The following SESTD1 variants were observed in gnomAD, a reference collection of about 807,000 sequenced individuals.
SESTD1 encodes SEC14 domain and spectrin repeat-containing protein 1.
Under a neutral mutation model 101.7 loss-of-function variants are expected in SESTD1, and 43 were observed. The ratio of observed to expected loss-of-function variants is 0.42; its 90% CI spans 0.33 to 0.55. SESTD1 has a LOEUF of 0.55. Ranked by LOEUF, SESTD1 falls within the 20% of genes least tolerant of loss-of-function variation. The pLI is 0.07. For missense variants in SESTD1, 647 were observed against 815.1 expected (o/e 0.79, Z 2.51); for synonymous variants, 283 against 286.8 (o/e 0.99, Z 0.13).
intron 1 of SESTD1, among the ~76,000 whole-genome samples, chr2:179,254,794 T>G (rs936115444): frequency 6.6e-6 from 1 of 152,212 alleles, no homozygotes; most frequent in African/African-American, 2.4e-5. Context: ...TTAATACACT[T>G]TATTGTGCTT....
At chr2:179,145,318 A>G in intron 8 of SESTD1, among the ~76,000 whole-genome samples, 1 of 152,220 alleles carries the variant, frequency 6.6e-6, no homozygotes, top group East Asian at 1.9e-4. Context: ...GCCTAGGTTC[A>G]AGTCCCAGCT....
intron 10 of SESTD1, among the ~76,000 whole-genome samples, chr2:179,126,734 T>A (rs928094808): frequency 6.6e-6 from 1 of 152,092 alleles, no homozygotes; most frequent in Admixed American, 6.6e-5. Context: ...GCCACCTTCA[T>A]CTGGATGACT....
At chr2:179,151,578 A>G (rs2045532190) in intron 5 of SESTD1, among the ~76,000 whole-genome samples, 187 bp from the exon 6 acceptor site, 1 of 152,180 alleles carries the variant, frequency 6.6e-6, no homozygotes, top group South Asian at 2.1e-4. Flanking sequence ...AAAATTCATC[A>G]AAAATTTTTT....
chr2:179,215,408 G>A lies in SESTD1; in HGVS notation c.-25-23542C>T, dbSNP rs1297741579. On this transcript the variant is annotated intron_variant, in intron 1 of 17. Transcript: ENST00000428443. ...AATCTAGAAGAAATGAATAAATTCC[G>A]GGACACATACACCCTCCCAAGATTA... is the stretch of plus-strand genomic sequence containing the variant. Among the ~76,000 whole-genome samples the A allele has an allele frequency of 3.0e-5, 4 of 133,410 alleles. 1 individual carries two copies. The highest frequency in any genetic ancestry group is 8.9e-5 in the African/African-American group (3 of 33,602). 87.5% of individuals were successfully genotyped at this position (133,410 alleles called of 152,430 possible).
intron 3 of SESTD1, among the ~76,000 whole-genome samples, chr2:179,181,318 T>C (rs2046105094): frequency 6.6e-6 from 1 of 152,120 alleles, no homozygotes; most frequent in South Asian, 2.1e-4. Flanking sequence ...GATTCCAGTA[T>C]ACACAAACAT....
At chr2:179,263,532 T>C (rs1468066429) in intron 1 of SESTD1, among the ~76,000 whole-genome samples, 2 of 152,146 alleles carry the variant, frequency 1.3e-5, no homozygotes, top group East Asian at 1.9e-4. Flanking sequence ...CTGGGATACA[T>C]AGTGGGCATG....
intron 1 of SESTD1, among the ~76,000 whole-genome samples, chr2:179,260,577 A>G (rs573264632): frequency 3.3e-5 from 5 of 152,198 alleles, no homozygotes; most frequent in Non-Finnish European, 5.9e-5. Flanking sequence ...CAGTTGTCAG[A>G]TGATTTCTAG....
At chr2:179,202,418 A>C (rs1347973704) in intron 1 of SESTD1, among the ~76,000 whole-genome samples, 1 of 134,434 alleles carries the variant, frequency 7.4e-6, no homozygotes, top group Non-Finnish European at 1.6e-5. Flanking sequence ...AAGTCAAAAA[A>C]TTTAAGCAAT....
At chr2:179,252,482 CTCTTG>C (rs1057383833) in intron 1 of SESTD1, among the ~76,000 whole-genome samples, 5 of 152,300 alleles carry the variant, frequency 3.3e-5, no homozygotes, top group Admixed American at 6.5e-5. Context: ...GCTCTCTTTT[CTCTTG>C]TCTTAAGTTC....
At chr2:179,233,615 A>G (rs1049024683) in intron 1 of SESTD1, among the ~76,000 whole-genome samples, 1 of 152,174 alleles carries the variant, frequency 6.6e-6, no homozygotes, top group Non-Finnish European at 1.5e-5. Context: ...CACAGTGCCC[A>G]GCTAATTTTT....
At position 179,201,417 on chromosome 2, in the gene SESTD1, T is replaced by A. The variant is rs1241500886; in HGVS notation, c.-25-9551A>T. On this transcript the variant is annotated intron_variant, in intron 1 of 17. Coordinates refer to ENST00000428443, the MANE Select transcript of SESTD1 (RefSeq NM_178123.5). ...ATACCATTTGACCCAGCCATCCCAT[T>A]ACTGGGTATATACCCAAAGGACTAT... 6.2e-5 allele frequency among the ~76,000 whole-genome samples: 8 copies of A among 129,156 alleles called. 1 individual carries two copies. The highest frequency in any genetic ancestry group is 4.4e-4 in the Admixed American group (6 of 13,488). The allele number at this position is 129,156 out of a possible 152,430, so 84.7% of individuals were successfully genotyped here.
intron 1 of SESTD1, among the ~76,000 whole-genome samples, chr2:179,200,469 T>G (rs181662305): frequency 2.5e-3 from 360 of 145,548 alleles, no homozygotes; most frequent in Non-Finnish European, 4.4e-3. Flanking sequence ...ACCAAGTCAA[T>G]CCTAAGCCAA....
Position 179,106,473 on chromosome 2 carries a change from A to T in SESTD1, c.*3426T>A, listed in dbSNP as rs2044384424. On this transcript the variant is annotated 3_prime_UTR_variant, in exon 18 of 18. Coordinates refer to ENST00000428443, the MANE Select transcript of SESTD1 (RefSeq NM_178123.5). ...TAGATTCAGCTAACTTCATAATCAC[A>T]TCATTGGTAACAATGGGTTTAGATC... 1 of 152,176 alleles carries T rather than the reference A, an allele frequency of 6.6e-6. No individual in the cohort carries two copies. Among genetic ancestry groups the T allele is most frequent in the Non-Finnish European group, 1.5e-5 (1 of 68,018 alleles). The allele number at this position is 152,176 out of a possible 1,614,324, so 9.4% of individuals were successfully genotyped here. A position where few individuals can be genotyped will look rare whatever the true frequency, so the allele number is the denominator to read the frequency against.
At chr2:179,258,582 T>C (rs933488031) in intron 1 of SESTD1, among the ~76,000 whole-genome samples, 1 of 152,200 alleles carries the variant, frequency 6.6e-6, no homozygotes, top group Admixed American at 6.5e-5. Context: ...AATTAAATTA[T>C]AACGCAGATT....
intron 5 of SESTD1, among the ~76,000 whole-genome samples, chr2:179,155,852 C>T (rs1461368641): frequency 1.3e-5 from 2 of 152,084 alleles, no homozygotes; most frequent in African/African-American, 4.8e-5. Flanking sequence ...GAGCAGTATA[C>T]ACTGCAGCAT....
chr2:179,177,735 A>T (rs951379190), intron 3 of SESTD1, among the ~76,000 whole-genome samples: 1 of 152,208 alleles, frequency 6.6e-6, no homozygotes, highest in East Asian at 1.9e-4. Flanking sequence ...TCACACAAAA[A>T]CCTGCATGTA....
chr2:179,181,809 G>A (rs2046117176), intron 3 of SESTD1, among the ~76,000 whole-genome samples: 1 of 152,052 alleles, frequency 6.6e-6, no homozygotes, highest in South Asian at 2.1e-4. Flanking sequence ...TACCTAAAAA[G>A]CAGTTTGTTA....
Position 179,124,045 on chromosome 2 carries a change from G to A in SESTD1, c.1168-216C>T, listed in dbSNP as rs144950397. On this transcript the variant is annotated intron_variant, in intron 11 of 17. Transcript: ENST00000428443. ...AAGACAAAGAAGTACATTCAGGTCA[G>A]CAGAATGCAAAAAAGTATTGAGACT... Among the ~76,000 whole-genome samples, 185 of 152,210 alleles carry A rather than the reference G, an allele frequency of 1.2e-3. 1 individual carries two copies. Among genetic ancestry groups the A allele is most frequent in the African/African-American group, 4.2e-3 (175 of 41,550 alleles).
At chr2:179,235,573 T>C (rs1225677614) in intron 1 of SESTD1, among the ~76,000 whole-genome samples, 1 of 152,220 alleles carries the variant, frequency 6.6e-6, no homozygotes, top group Non-Finnish European at 1.5e-5. Flanking sequence ...AGTTATTCTT[T>C]TCCTGTACCC....
Sources: gnomAD v4.1 joint callset for allele counts (sites outside exome capture counted in the v4.1 genomes callset) on GRCh38, gnomAD v4.1.1 for gene constraint, MANE v1.5 for transcripts, NCBI Gene and HGNC (gene_info 2026-07-23, HGNC 2026-07-21) for gene names.